RBFOX1: variants seen among roughly 807,000 people sequenced by gnomAD.
The protein encoded by RBFOX1 is RNA binding protein fox-1 homolog 1.
A neutral mutation model predicts 57.7 loss-of-function variants in RBFOX1; 8 were observed. The ratio of observed to expected loss-of-function variants is 0.14; its 90% CI spans 0.08 to 0.25. The LOEUF (loss-of-function observed/expected upper bound fraction) is 0.25. Ranked by LOEUF, RBFOX1 falls within the 10% of genes least tolerant of loss-of-function variation. The pLI is 1.00. For synonymous variants in RBFOX1, 326 were observed against 222.4 expected (o/e 1.47, Z -4.15); for missense variants, 611 against 548.5 (o/e 1.11, Z -1.14).
At chr16:6,788,925 C>T (rs1237023158) in intron 3 of RBFOX1, among the ~76,000 whole-genome samples, 1 of 152,168 alleles carries the variant, frequency 6.6e-6, no homozygotes, top group Non-Finnish European at 1.5e-5. Context: ...CCCAAGCCAA[C>T]TTCCCGAGTT....
At chr16:6,078,313 T>C (rs1260488943) in intron 1 of RBFOX1, among the ~76,000 whole-genome samples, 3 of 152,220 alleles carry the variant, frequency 2.0e-5, no homozygotes, top group Non-Finnish European at 4.4e-5. Flanking sequence ...CTCCAGCCCA[T>C]GTCCCCCACA....
chr16:7,663,817 G>A (rs2068442367), intron 12 of RBFOX1, among the ~76,000 whole-genome samples: 1 of 152,172 alleles, frequency 6.6e-6, no homozygotes, highest in Non-Finnish European at 1.5e-5. Context: ...AACCTGTGAA[G>A]GCTACATATG....
intron 3 of RBFOX1, among the ~76,000 whole-genome samples, chr16:6,745,573 A>G (rs2073392201): frequency 6.6e-6 from 1 of 152,232 alleles, no homozygotes; most frequent in Admixed American, 6.5e-5. Flanking sequence ...TAGATGCAGA[A>G]AAGGCATTTG....
chr16:6,895,339 A>C (rs969606040), intron 3 of RBFOX1, among the ~76,000 whole-genome samples: 1 of 150,910 alleles, frequency 6.6e-6, no homozygotes, highest in South Asian at 2.1e-4. Context: ...TTTACTAAAT[A>C]TGGAATGGAA....
At chr16:7,562,994 G>T (rs1025449080) in intron 5 of RBFOX1, among the ~76,000 whole-genome samples, 4 of 152,186 alleles carry the variant, frequency 2.6e-5, no homozygotes, top group Admixed American at 6.5e-5. Flanking sequence ...TGACCCAGGG[G>T]ATTGCAATGC....
chr16:6,107,769 GTGGA>G (rs1187874253), intron 1 of RBFOX1, among the ~76,000 whole-genome samples: 1 of 151,438 alleles, frequency 6.6e-6, no homozygotes, highest in Non-Finnish European at 1.5e-5. Flanking sequence ...GGATGGGTGG[GTGGA>G]TGGATGGATG....
intron 3 of RBFOX1, among the ~76,000 whole-genome samples, chr16:6,829,062 G>A (rs1439974782): frequency 2.0e-5 from 3 of 152,014 alleles, no homozygotes; most frequent in Admixed American, 6.6e-5. Context: ...GACACCTGCC[G>A]GGATCAGGGT....
At chr16:7,354,058 A>C (rs1023244934) in intron 4 of RBFOX1, among the ~76,000 whole-genome samples, 1 of 151,740 alleles carries the variant, frequency 6.6e-6, no homozygotes. Context: ...TGCAACCTCT[A>C]CCTCCCAGGT....
At chr16:7,407,976 G>A (rs2098375140) in intron 4 of RBFOX1, among the ~76,000 whole-genome samples, 5 of 152,180 alleles carry the variant, frequency 3.3e-5, no homozygotes. Flanking sequence ...CACAATGAAT[G>A]TATGGCCCAC....
At chr16:5,412,849 C>T (rs1302192743) in intron 1 of RBFOX1, among the ~76,000 whole-genome samples, 1 of 152,190 alleles carries the variant, frequency 6.6e-6, no homozygotes, top group Non-Finnish European at 1.5e-5. Flanking sequence ...GGGAAGGATC[C>T]AGGAGTCCTG....
intron 4 of RBFOX1, among the ~76,000 whole-genome samples, chr16:5,928,027 A>G (rs1255401063): frequency 6.6e-5 from 10 of 152,240 alleles, no homozygotes; most frequent in Non-Finnish European, 4.4e-5. Flanking sequence ...GTGGCAGGGC[A>G]TGGTGACTAT....
rs552749220 is a variant in RBFOX1 at position 7,474,086 on chromosome 16, A to C, written c.28-44061A>C. Among the ~76,000 whole-genome samples, 11 of 152,274 alleles carry C rather than the reference A, an allele frequency of 7.2e-5. No homozygotes were observed. In the South Asian group the frequency reaches 2.3e-3, roughly 32 times the overall value. ...GGCGGATCACGAGGTCAGGAGTTTG[A>C]GACCAGTCTGGCCAATACGGTGAAA... is the stretch of plus-strand genomic sequence containing the variant. On this transcript the variant is annotated intron_variant, in intron 4 of 15. Coordinates refer to ENST00000550418, the MANE Select transcript of RBFOX1 (RefSeq NM_018723.4).
At chr16:7,454,244 C>A (rs550877294) in intron 4 of RBFOX1, among the ~76,000 whole-genome samples, 6 of 152,054 alleles carry the variant, frequency 3.9e-5, no homozygotes, top group Non-Finnish European at 8.8e-5. Flanking sequence ...CACCAACCCC[C>A]CCAAAAAAAG....
intron 2 of RBFOX1, among the ~76,000 whole-genome samples, chr16:6,594,053 C>G (rs750650482): frequency 6.6e-6 from 1 of 152,164 alleles, no homozygotes; most frequent in Non-Finnish European, 1.5e-5. Context: ...GAACATCACA[C>G]TGTTTGAGGA....
intron 3 of RBFOX1, among the ~76,000 whole-genome samples, chr16:5,769,635 A>G (rs1050758751): frequency 6.6e-6 from 1 of 152,150 alleles, no homozygotes; most frequent in African/African-American, 2.4e-5. Flanking sequence ...TCTGGGCAAC[A>G]GAGTGAGACT....
At position 6,189,439 on chromosome 16, in the gene RBFOX1, A is replaced by G. The variant is rs544416977; in HGVS notation, c.-126-127556A>G. ...CAGAGTCGCTTGCTGCAACAGTGACAGAGAACTGTTGGGTTGCCGGGGCTA... is the reference window on the plus strand; with the variant it reads ...CAGAGTCGCTTGCTGCAACAGTGACGGAGAACTGTTGGGTTGCCGGGGCTA... On this transcript the variant is annotated intron_variant, in intron 1 of 15. Transcript: ENST00000550418. Among the ~76,000 whole-genome samples the G allele has an allele frequency of 2.0e-5, 3 of 152,320 alleles. No individual in the cohort carries two copies. In the South Asian group the frequency reaches 6.2e-4, roughly 32 times the overall value.
intron 4 of RBFOX1, among the ~76,000 whole-genome samples, chr16:7,287,190 G>A (rs115697819): frequency 0.01 from 1,577 of 152,300 alleles, 22 homozygotes; most frequent in African/African-American, 0.035. Flanking sequence ...TGAGGAAAGT[G>A]CAGGTCTTGA....
intron 2 of RBFOX1, among the ~76,000 whole-genome samples, chr16:5,535,547 A>G (rs1408017811): frequency 6.6e-6 from 1 of 152,200 alleles, no homozygotes; most frequent in Non-Finnish European, 1.5e-5. Context: ...AGCCCTAGGA[A>G]TAATCCTCTG....
At chr16:6,605,560 A>T (rs1030184171) in intron 2 of RBFOX1, among the ~76,000 whole-genome samples, 2 of 152,224 alleles carry the variant, frequency 1.3e-5, no homozygotes, top group South Asian at 2.1e-4. Context: ...CATCGGAGTG[A>T]TCGGAGTGAA....
Sources: allele counts gnomAD v4.1 joint callset (sites outside exome capture counted in the v4.1 genomes callset), GRCh38; gene constraint gnomAD v4.1.1; transcripts MANE v1.5; gene names NCBI Gene and HGNC (gene_info 2026-07-23, HGNC 2026-07-21).